MAML1: variants seen among roughly 807,000 people sequenced by gnomAD.
MAML1 encodes the protein mastermind-like protein 1.
Under a neutral mutation model 77.1 loss-of-function variants are expected in MAML1, and 14 were observed. The ratio of observed to expected loss-of-function variants is 0.18; its 90% CI spans 0.12 to 0.28. The LOEUF (loss-of-function observed/expected upper bound fraction) is 0.28. Among genes scored for constraint, MAML1 ranks in the 10% least tolerant of loss-of-function variants. MAML1 has a pLI of 1.00. For synonymous variants in MAML1, 516 were observed against 551.9 expected, an observed-to-expected ratio of 0.93 and a Z score of 0.91; for missense variants, 1,217 against 1,327.8, an observed-to-expected ratio of 0.92 and a Z score of 1.30.
In MAML1 at chr5:179,766,528, G is replaced by C. The variant is rs761704667; in HGVS notation, c.1518G>C (p.Gln506His). Residue 506 changes from glutamine to histidine, a missense_variant, in exon 2 of 5, where the codon CAG becomes CAC. Transcript: ENST00000292599. This position sits in a 1 kb window ranked among gnomAD's most constrained non-coding sequence, Gnocchi z 4.0. Reference protein sequence around the residue: ...SNLNQNSANNQGSVLDYGNTK... With the variant: ...SNLNQNSANNHGSVLDYGNTK... The stretch of plus-strand genomic sequence containing the variant: ...TGAATCAGAACTCCGCGAATAACCA[G>C]GGGTCTGTGCTGGACTACGGCAATA... 1 of 1,603,338 alleles carries C rather than the reference G, an allele frequency of 6.2e-7. No individual in the cohort carries two copies. The highest frequency in any genetic ancestry group is 1.1e-5 in the South Asian group (1 of 89,854).
intron 1 of MAML1, among the ~76,000 whole-genome samples, chr5:179,736,333 A>C (rs1478877285): frequency 1.3e-5 from 2 of 151,490 alleles, no homozygotes; most frequent in African/African-American, 4.9e-5. Flanking sequence ...GCTCACTGCA[A>C]CCTCCGCCTC....
rs1452552487 is a variant in MAML1 at position 179,733,370 on chromosome 5, C to T, written c.258C>T (p.Ala86=). The stretch of plus-strand genomic sequence containing the variant: ...CCGCCGCCACGGCCCCGGCGCCCGC[C>T]GCCCCGGCCCCGCGCCTGGACGCCG... ...QPPAATAPAP[A]APAPRLDAAD... Residue 86 remains alanine (A), a synonymous_variant, in exon 1 of 5, where the codon GCC becomes GCT. Coordinates refer to ENST00000292599, the MANE Select transcript of MAML1 (RefSeq NM_014757.5). The T allele has an allele frequency of 2.5e-6, 3 of 1,215,836 alleles. No individual in the cohort carries two copies. Among genetic ancestry groups the T allele is most frequent in the Non-Finnish European group, 2.0e-6 (2 of 982,350 alleles). The allele number at this position is 1,215,836 out of a possible 1,614,324, so 75.3% of individuals were successfully genotyped here.
At chr5:179,750,074 G>A (rs1379496462) in intron 1 of MAML1, among the ~76,000 whole-genome samples, 1 of 152,254 alleles carries the variant, frequency 6.6e-6, no homozygotes, top group African/African-American at 2.4e-5. Flanking sequence ...AGCAGGGGCA[G>A]TGCTGCCCTC....
At chr5:179,754,863 A>T (rs1227666028) in intron 1 of MAML1, among the ~76,000 whole-genome samples, 1 of 152,158 alleles carries the variant, frequency 6.6e-6, no homozygotes, top group African/African-American at 2.4e-5. Context: ...TATTTTTGAG[A>T]TGAAGAGGGG....
chr5:179,738,439 G>GT lies in MAML1; in HGVS notation c.315+5019dup, dbSNP rs536407134. ...TGTACTGTAATCATGTGGGGCATTA[G>GT]TTTTTTTAAAAAGATGATCAGTGTG... is the stretch of plus-strand genomic sequence containing the variant. On this transcript the variant is annotated intron_variant, in intron 1 of 4. Coordinates refer to ENST00000292599, the MANE Select transcript of MAML1 (RefSeq NM_014757.5). Among the ~76,000 whole-genome samples the GT allele has an allele frequency of 3.4e-4, 52 of 152,226 alleles. 1 individual carries two copies. The highest frequency in any genetic ancestry group is 1.0e-3 in the African/African-American group (42 of 41,536).
chr5:179,739,362 T>A (rs1465467332), intron 1 of MAML1, among the ~76,000 whole-genome samples: 1 of 144,316 alleles, frequency 6.9e-6, no homozygotes, highest in African/African-American at 2.5e-5. Context: ...TCAAATAGAA[T>A]AGAATAGAAC....
intron 1 of MAML1, among the ~76,000 whole-genome samples, chr5:179,753,220 TGTGCGCGC>T (rs1185931264): frequency 2.1e-4 from 8 of 37,812 alleles, no homozygotes; most frequent in Non-Finnish European, 1.5e-4. Flanking sequence ...TGTGTGTGTG[TGTGCGCGC>T]GCGCGCGCGC....
chr5:179,741,569 C>G (rs1389227209), intron 1 of MAML1, among the ~76,000 whole-genome samples: 1 of 151,608 alleles, frequency 6.6e-6, no homozygotes, highest in Non-Finnish European at 1.5e-5. Flanking sequence ...ACCTGTAATC[C>G]CAGTTACTCA....
At position 179,733,061 on chromosome 5, in the gene MAML1, A is replaced by T; in HGVS notation, c.-52A>T. 1.7e-6 allele frequency: 2 copies of T among 1,147,112 alleles called. No homozygotes were observed. Among genetic ancestry groups the T allele is most frequent in the Non-Finnish European group, 2.2e-6 (2 of 906,852 alleles). The allele number at this position is 1,147,112 out of a possible 1,614,324, so 71.1% of individuals were successfully genotyped here. A position where few individuals can be genotyped will look rare whatever the true frequency, so the allele number is the denominator to read the frequency against. On this transcript the variant is annotated 5_prime_UTR_variant, in exon 1 of 5. Transcript: ENST00000292599. ...CGCGGGGAGCGAAGCCCGCAGTGCC[A>T]GCCGGCCCCGAGAGGCCCGGCCCCG...
intron 1 of MAML1, among the ~76,000 whole-genome samples, chr5:179,752,338 A>ATATATATATAT (rs1451163108): frequency 2.0e-5 from 1 of 50,324 alleles, no homozygotes. Flanking sequence ...AAAAAAAAAA[A>ATATATATATAT]AAAAAAAAAA....
Position 179,766,710 on chromosome 5 carries a change from T to G in MAML1, c.1700T>G (p.Met567Arg), listed in dbSNP as rs139205961. ...LFLMKPKPGN[M>R]PFRSLVPPGQ... Reference sequence around the variant, plus strand: ...CTGATGAAGCCAAAGCCAGGAAATATGCCTTTCCGATCACTGGTTCCACCT... The same window carrying G: ...CTGATGAAGCCAAAGCCAGGAAATAGGCCTTTCCGATCACTGGTTCCACCT... Residue 567 changes from methionine (M) to arginine (R), a missense_variant, in exon 2 of 5, where the codon ATG becomes AGG. Physicochemically the swap from Met to Arg is moderately conservative, Grantham distance 91 (BLOSUM62 -1). Around this residue, in one of 3 missense-constraint regions of MAML1, gnomAD observed 884 missense variants for 949.3 expected, o/e 0.93. Transcript: ENST00000292599. The surrounding 1 kb of genome is among the most constrained non-coding windows in gnomAD (Gnocchi z 4.0). The G allele has an allele frequency of 2.0e-5, 31 of 1,566,100 alleles. No homozygotes were observed. The African/African-American group carries it at 3.0e-4, about 15-fold the overall frequency.
chr5:179,760,441 G>C (rs1457763465), intron 1 of MAML1, among the ~76,000 whole-genome samples: 5 of 152,108 alleles, frequency 3.3e-5, no homozygotes, highest in Admixed American at 3.3e-4. Flanking sequence ...GAGGCCCCAG[G>C]CAGCACTGAG....
Position 179,773,964 on chromosome 5 carries a change from C to T in MAML1, c.2138C>T (p.Pro713Leu). Residue 713 changes from proline (P) to leucine (L), a missense_variant, in exon 5 of 5, where the codon CCT (proline) becomes CTT (leucine). Transcript: ENST00000292599. ...AACTCCAGCTGTCCTCGAGTGTTCC[C>T]TCAGGCTGGGAATCTGATGCCAATG... is the stretch of plus-strand genomic sequence containing the variant. ...PSNSSCPRVF[P>L]QAGNLMPMGP... The T allele has an allele frequency of 6.2e-7, 1 of 1,614,244 alleles. No homozygotes were observed. Among genetic ancestry groups the T allele is most frequent in the Non-Finnish European group, 8.5e-7 (1 of 1,180,050 alleles).
chr5:179,768,164 T>C (rs1779856908), intron 2 of MAML1, among the ~76,000 whole-genome samples: 1 of 152,194 alleles, frequency 6.6e-6, no homozygotes, highest in Admixed American at 6.5e-5. Flanking sequence ...CTTCAAAGTG[T>C]TCTTCCCCTA....
At chr5:179,733,922 A>C (rs1779117313) in intron 1 of MAML1, among the ~76,000 whole-genome samples, 2 of 152,230 alleles carry the variant, frequency 1.3e-5, no homozygotes, top group Non-Finnish European at 2.9e-5. Context: ...CTGAATGGAA[A>C]ATCAAGAAAT....
chr5:179,774,391 C>G lies in MAML1; in HGVS notation c.2565C>G (p.Ser855Arg), dbSNP rs1165503836. The part of the protein sequence containing the change: ...PNLSGQTPGN[S>R]NVSPFTAASS... Reference sequence around the variant, plus strand: ...TCAGTGGCCAGACCCCAGGGAACAGCAACGTGAGTCCCTTCACTGCAGCCT... The same window carrying G: ...TCAGTGGCCAGACCCCAGGGAACAGGAACGTGAGTCCCTTCACTGCAGCCT... Residue 855 changes from serine (S) to arginine (R), a missense_variant, in exon 5 of 5, where the codon AGC becomes AGG. Ser to Arg is a moderately radical substitution (Grantham distance 110, BLOSUM62 -1). Around this residue, in one of 3 missense-constraint regions of MAML1, gnomAD observed 884 missense variants for 949.3 expected, o/e 0.93. Transcript: ENST00000292599. The G allele has an allele frequency of 1.2e-6, 2 of 1,613,080 alleles. No individual in the cohort carries two copies. The highest frequency in any genetic ancestry group is 2.7e-5 in the African/African-American group (2 of 74,944).
At position 179,775,944 on chromosome 5, in the gene MAML1, G is replaced by C; in HGVS notation, c.*1067G>C. On this transcript the variant is annotated 3_prime_UTR_variant, in exon 5 of 5. Transcript: ENST00000292599. ...GGGGAAGGAGGCCGTAGGCCGGCCC[G>C]GAGGAAGCAATTCCACTTGGTTTGA... 1 of 985,730 alleles carries C rather than the reference G, an allele frequency of 1.0e-6. No individual in the cohort carries two copies. The highest frequency in any genetic ancestry group is 1.2e-6 in the Non-Finnish European group (1 of 829,934). 61.1% of individuals were successfully genotyped at this position (985,730 alleles called of 1,614,324 possible).
intron 1 of MAML1, among the ~76,000 whole-genome samples, chr5:179,751,462 A>C (rs1007671270): frequency 2.0e-5 from 3 of 152,130 alleles, no homozygotes; most frequent in Admixed American, 2.0e-4. Context: ...TAATCCCAAC[A>C]CTTTGGGAGG....
intron 1 of MAML1, among the ~76,000 whole-genome samples, chr5:179,739,641 G>A (rs182664959): frequency 4.8e-4 from 73 of 152,228 alleles, no homozygotes; most frequent in Non-Finnish European, 8.4e-4. Flanking sequence ...CTATGATTGC[G>A]CCACTGCACC....
Sources: gnomAD v4.1 joint callset for allele counts (sites outside exome capture counted in the v4.1 genomes callset) on GRCh38, gnomAD v4.1.1 for gene constraint, gnomAD v4.1.1 regional missense constraint, Gnocchi (gnomAD v3.1) non-coding constraint, MANE v1.5 for transcripts, NCBI Gene and HGNC (gene_info 2026-07-23, HGNC 2026-07-21) for gene names.